The following PRUNE2 variants were observed in gnomAD, a reference collection of about 807,000 sequenced individuals.
PRUNE2 encodes prune homolog 2 with BCH domain.
A neutral mutation model predicts 252.0 loss-of-function variants in PRUNE2; 164 were observed. The observed-to-expected ratio is 0.65, with a 90% confidence interval of 0.57 to 0.74. The LOEUF (loss-of-function observed/expected upper bound fraction) is 0.74, where lower values mean the gene tolerates loss of function less well. PRUNE2 is among the 30% of genes least tolerant of loss of function. The probability of loss-of-function intolerance (pLI) is 0.00; values close to 1 mark genes in which losing one functional copy is unlikely to be tolerated. For synonymous variants in PRUNE2, 1,292 were observed against 1,350.2 expected, an observed-to-expected ratio of 0.96 and a Z score of 0.94; for missense variants, 3,495 against 3,711.0, an observed-to-expected ratio of 0.94 and a Z score of 1.51.
At chr9:76,637,318 C>T in intron 14 of PRUNE2, 100 bp downstream of exon 14, 1 of 1,164,418 alleles carries the variant, frequency 8.6e-7, no homozygotes, top group East Asian at 2.4e-5. Flanking sequence ...GACTTGGTTT[C>T]TTCTTGTGTA....
chr9:76,846,720 A>G (rs1221822025), intron 3 of PRUNE2, 42 bp from the exon 4 acceptor site: 1 of 1,553,044 alleles, frequency 6.4e-7, no homozygotes. Flanking sequence ...GGGATATGGC[A>G]TGTCTTATTA....
intron 9 of PRUNE2, among the ~76,000 whole-genome samples, chr9:76,676,921 A>G (rs1464960129): frequency 1.3e-5 from 2 of 152,234 alleles, no homozygotes; most frequent in Non-Finnish European, 1.5e-5. Flanking sequence ...ATCCATCATT[A>G]TGGAGGTCCT....
Position 76,707,908 on chromosome 9 carries a change from C to T in PRUNE2, c.4366G>A (p.Val1456Ile). The T allele has an allele frequency of 6.2e-7, 1 of 1,613,836 alleles. No individual in the cohort carries two copies. Among genetic ancestry groups the T allele is most frequent in the Non-Finnish European group, 8.5e-7 (1 of 1,179,832 alleles). ...TCAAGATCCTTTTCAGGTACAGATA[C>T]ATATTTTGTGAAATTCATCCCATCT... Reference protein sequence around the residue: ...TSDGMNFTKYVSVPEKDLEKT... With the variant: ...TSDGMNFTKYISVPEKDLEKT... Residue 1456 changes from valine to isoleucine, a missense_variant, in exon 8 of 19, where the codon GTA becomes ATA. Coordinates refer to ENST00000376718, the MANE Select transcript of PRUNE2 (RefSeq NM_015225.3).
At chr9:76,759,384 A>G (rs767222614) in intron 6 of PRUNE2, 1 of 152,230 alleles carries the variant, frequency 6.6e-6, no homozygotes, top group Non-Finnish European at 1.5e-5. Flanking sequence ...TTCACACCCA[A>G]ATGTTGCCTT....
intron 1 of PRUNE2, among the ~76,000 whole-genome samples, chr9:76,873,084 T>C (rs554750917): frequency 2.0e-5 from 3 of 151,336 alleles, no homozygotes; most frequent in East Asian, 3.9e-4. Flanking sequence ...CACCAAGAGC[T>C]GGGAGAGAGG....
At chr9:76,649,612 TGATA>T (rs56889503) in intron 11 of PRUNE2, among the ~76,000 whole-genome samples, 10,280 of 149,936 alleles carry the variant, frequency 0.069, 719 homozygotes, top group African/African-American at 0.17. Flanking sequence ...GATAGATAGA[TGATA>T]GATAGATAGA....
intron 6 of PRUNE2, among the ~76,000 whole-genome samples, chr9:76,802,885 T>C (rs188825656): frequency 2.7e-3 from 416 of 152,282 alleles, no homozygotes; most frequent in African/African-American, 9.5e-3. Flanking sequence ...CCTGGACATA[T>C]TGGTTTTTAA....
intron 6 of PRUNE2, among the ~76,000 whole-genome samples, chr9:76,794,518 G>A (rs920967026): frequency 6.6e-6 from 1 of 151,364 alleles, no homozygotes; most frequent in African/African-American, 2.4e-5. Flanking sequence ...GGGAGGCTGA[G>A]GCAAGAGAAT....
intron 6 of PRUNE2, among the ~76,000 whole-genome samples, chr9:76,770,180 A>C (rs895781441): frequency 6.6e-6 from 1 of 152,092 alleles, no homozygotes; most frequent in Non-Finnish European, 1.5e-5. Context: ...AAACTTTTTG[A>C]CTTCATTTGA....
chr9:76,770,766 G>A (rs188019498), intron 6 of PRUNE2, among the ~76,000 whole-genome samples: 1 of 152,270 alleles, frequency 6.6e-6, no homozygotes, highest in Admixed American at 6.5e-5. Flanking sequence ...TAAAGAAAGT[G>A]AAGCCCAAAA....
At chr9:76,749,708 T>C (rs1302335287) in intron 6 of PRUNE2, among the ~76,000 whole-genome samples, 3 of 152,130 alleles carry the variant, frequency 2.0e-5, no homozygotes, top group African/African-American at 4.8e-5. Context: ...AGACCCCAGT[T>C]TGGTTTGTAA....
Position 76,864,954 on chromosome 9 carries a change from T to G in PRUNE2, c.37-10746A>C, listed in dbSNP as rs184791310. 1.3e-3 allele frequency among the ~76,000 whole-genome samples: 191 copies of G among 152,348 alleles called. 1 individual carries two copies. Among genetic ancestry groups the G allele is most frequent in the African/African-American group, 4.5e-3 (188 of 41,582 alleles). On this transcript the variant is annotated intron_variant, in intron 1 of 18. Coordinates refer to ENST00000376718, the MANE Select transcript of PRUNE2 (RefSeq NM_015225.3). Reference sequence around the variant, plus strand: ...CAAGGACCATGTGGTCCCTGTCAACTGCAGAATATATCTGCAATTGTTTTT... The same window carrying G: ...CAAGGACCATGTGGTCCCTGTCAACGGCAGAATATATCTGCAATTGTTTTT...
intron 6 of PRUNE2, among the ~76,000 whole-genome samples, chr9:76,774,453 T>TTTTTATTTATTTATTTATTTATTTATTTA (rs1554761597): frequency 5.7e-5 from 7 of 122,222 alleles, no homozygotes; most frequent in South Asian, 2.9e-4. Flanking sequence ...TTCAACCCTT[T>TTTTTATTTATTTATTTATTTATTTATTTA]TTTTTTTTTT....
chr9:76,749,742 C>A (rs1202808027), intron 6 of PRUNE2, among the ~76,000 whole-genome samples: 1 of 152,128 alleles, frequency 6.6e-6, no homozygotes, highest in Non-Finnish European at 1.5e-5. Flanking sequence ...AGTCAGTACC[C>A]TCATTTGCCA....
intron 1 of PRUNE2, among the ~76,000 whole-genome samples, chr9:76,873,466 C>A (rs2061329951): frequency 6.6e-6 from 1 of 152,106 alleles, no homozygotes; most frequent in Non-Finnish European, 1.5e-5. Context: ...CAGCTGGTCC[C>A]CTCTTCAATC....
At chr9:76,678,387 A>G (rs2043000513) in intron 9 of PRUNE2, among the ~76,000 whole-genome samples, 1 of 148,154 alleles carries the variant, frequency 6.7e-6, no homozygotes, top group Non-Finnish European at 1.5e-5. Context: ...GGAAGGAGAA[A>G]GGGAAAGGAG....
intron 6 of PRUNE2, among the ~76,000 whole-genome samples, chr9:76,818,432 A>G (rs10114251): frequency 0.6 from 90,610 of 151,926 alleles, 28,007 homozygotes; most frequent in African/African-American, 0.77. Flanking sequence ...AATGGAAAAC[A>G]TTAGTATTTT....
rs59346201 is a variant in PRUNE2 at position 76,840,156 on chromosome 9, C to CA, written c.508+6358dup. 6.6e-4 allele frequency among the ~76,000 whole-genome samples: 100 copies of CA among 151,794 alleles called. 2 individuals carry two copies. In the South Asian group the frequency reaches 0.02, roughly 30 times the overall value. ...ACTAAACAAAGTCACTTAAAGATAG[C>CA]AAAAAAAGAGAAAAAGGACAAGTTT... On this transcript the variant is annotated intron_variant, in intron 4 of 18. Coordinates refer to ENST00000376718, the MANE Select transcript of PRUNE2 (RefSeq NM_015225.3).
At chr9:76,624,408 C>T in intron 17 of PRUNE2, 44 bp downstream of exon 17, 2 of 1,332,154 alleles carry the variant, frequency 1.5e-6, no homozygotes, top group Non-Finnish European at 2.0e-6. Flanking sequence ...TTCTGAAATG[C>T]AAGCCAACAT....
Sources: gnomAD v4.1 joint callset for allele counts (sites outside exome capture counted in the v4.1 genomes callset) on GRCh38, gnomAD v4.1.1 for gene constraint, MANE v1.5 for transcripts, NCBI Gene and HGNC (gene_info 2026-07-23, HGNC 2026-07-21) for gene names.